The following FMNL2 variants were observed in gnomAD, a reference collection of about 807,000 sequenced individuals.
The protein encoded by FMNL2 is formin-like protein 2.
In FMNL2, 51 loss-of-function variants were observed where a neutral mutation model predicts 130.2. The ratio of observed to expected loss-of-function variants is 0.39; its 90% CI spans 0.31 to 0.49. The LOEUF (loss-of-function observed/expected upper bound fraction) is 0.49. FMNL2 is among the 20% of genes least tolerant of loss of function. The pLI is 0.85. For synonymous variants in FMNL2, 465 were observed against 467.1 expected (o/e 1.00, Z 0.06); for missense variants, 977 against 1,316.2 (o/e 0.74, Z 3.99).
At chr2:152,615,284 G>A (rs1243658095) in intron 12 of FMNL2, among the ~76,000 whole-genome samples, 1 of 152,036 alleles carries the variant, frequency 6.6e-6, no homozygotes, top group African/African-American at 2.4e-5. Context: ...GCAGAGTGGG[G>A]GTGTTTGATG....
rs188917433 is a variant in FMNL2, at chr2:152,341,664, C to A, written c.117+5944C>A. On this transcript the variant is annotated intron_variant, in intron 1 of 25. Transcript: ENST00000288670. Reference sequence around the variant, plus strand: ...AACATAGTCGTGAGATGATGGAAATCATACCACTTGAAAACAAAATTTCCA... The same window carrying A: ...AACATAGTCGTGAGATGATGGAAATAATACCACTTGAAAACAAAATTTCCA... Among the ~76,000 whole-genome samples the A allele has an allele frequency of 1.9e-3, 288 of 152,276 alleles. 3 individuals carry two copies. The highest frequency in any genetic ancestry group is 7.4e-4 in the Non-Finnish European group (50 of 68,024).
At chr2:152,449,138 A>G (rs1375855570) in intron 1 of FMNL2, among the ~76,000 whole-genome samples, 1 of 152,180 alleles carries the variant, frequency 6.6e-6, no homozygotes, top group Non-Finnish European at 1.5e-5. Flanking sequence ...AGTTGCTAGA[A>G]AGGACTAGAT....
intron 1 of FMNL2, among the ~76,000 whole-genome samples, chr2:152,504,603 G>A (rs1271250200): frequency 3.3e-5 from 5 of 152,128 alleles, no homozygotes; most frequent in Non-Finnish European, 1.5e-5. Context: ...CTCATTGTGT[G>A]TGTGTGTTTT....
At position 152,617,180 on chromosome 2, in the gene FMNL2, G is replaced by A. The variant is rs777913298; in HGVS notation, c.1302G>A (p.Leu434=). The change falls in exon 13 of 26, where the codon CTG becomes CTA. Residue 434 remains leucine (L), a synonymous_variant. Coordinates refer to ENST00000288670, the MANE Select transcript of FMNL2 (RefSeq NM_052905.4). ...EKQLMQRNKE[L]DVVREIYKDA... Reference sequence around the variant, plus strand: ...AACTCATGCAGAGGAACAAGGAGCTGGATGTCGTTCGGGTAAGTGTAATGA... The same window carrying A: ...AACTCATGCAGAGGAACAAGGAGCTAGATGTCGTTCGGGTAAGTGTAATGA... 2 of 1,613,962 alleles carry A rather than the reference G, an allele frequency of 1.2e-6. No homozygotes were observed. The highest frequency in any genetic ancestry group is 1.1e-5 in the South Asian group (1 of 91,080).
chr2:152,369,718 G>A (rs576248439), intron 1 of FMNL2, among the ~76,000 whole-genome samples: 2 of 152,342 alleles, frequency 1.3e-5, no homozygotes, highest in South Asian at 4.1e-4. Context: ...CTGAGTTAGT[G>A]TGAAAGAATG....
rs1279395173 is a variant in FMNL2 at position 152,637,059 on chromosome 2, A to G, written c.2844+469A>G. Among the ~76,000 whole-genome samples the G allele has an allele frequency of 2.0e-5, 3 of 152,332 alleles. No individual in the cohort carries two copies. The East Asian group carries it at 5.8e-4, about 29-fold the overall frequency. On this transcript the variant is annotated intron_variant, in intron 22 of 25. Coordinates refer to ENST00000288670, the MANE Select transcript of FMNL2 (RefSeq NM_052905.4). ...AAAGTTGGGGGATGGGGACTCAGAA[A>G]GCAGATTCAGTGGAAGGGCCTCTGG...
chr2:152,380,796 G>A (rs992716177), intron 1 of FMNL2, among the ~76,000 whole-genome samples: 13 of 152,152 alleles, frequency 8.5e-5, no homozygotes, highest in Admixed American at 6.5e-4. Context: ...GTGCCTGTTG[G>A]GCTAGAGCTG....
chr2:152,644,580 C>T (rs1366969107), intron 25 of FMNL2, among the ~76,000 whole-genome samples: 2 of 152,212 alleles, frequency 1.3e-5, no homozygotes, highest in Non-Finnish European at 2.9e-5. Context: ...TTCTGAATGT[C>T]ATGCCCATGT....
intron 24 of FMNL2, among the ~76,000 whole-genome samples, chr2:152,640,313 G>T (rs1682973377): frequency 6.6e-6 from 1 of 152,226 alleles, no homozygotes; most frequent in Admixed American, 6.5e-5. Context: ...ATACAGAGAG[G>T]CCACACCAGA....
chr2:152,350,975 G>A (rs1218139145), intron 1 of FMNL2, among the ~76,000 whole-genome samples: 2 of 152,132 alleles, frequency 1.3e-5, no homozygotes, highest in South Asian at 4.1e-4. Context: ...AACCTGGGAG[G>A]CGGAGGCTGC....
At chr2:152,463,582 GT>G (rs1689365211) in intron 1 of FMNL2, among the ~76,000 whole-genome samples, 1 of 152,184 alleles carries the variant, frequency 6.6e-6, no homozygotes, top group Non-Finnish European at 1.5e-5. Context: ...TGACTTTGAA[GT>G]TCCCCTCTTA....
At chr2:152,466,500 C>CT (rs1689548982) in intron 1 of FMNL2, among the ~76,000 whole-genome samples, 2 of 152,276 alleles carry the variant, frequency 1.3e-5, no homozygotes, top group Admixed American at 6.5e-5. Context: ...TGTAGTATAT[C>CT]TAATTGTTGG....
chr2:152,596,423 C>T (rs1023604388), intron 9 of FMNL2, among the ~76,000 whole-genome samples: 1 of 152,120 alleles, frequency 6.6e-6, no homozygotes, highest in Admixed American at 6.6e-5. Flanking sequence ...AGGAATTTTA[C>T]TATTAGTTAT....
intron 1 of FMNL2, among the ~76,000 whole-genome samples, chr2:152,474,711 G>A (rs772146251): frequency 6.6e-6 from 1 of 151,694 alleles, no homozygotes; most frequent in Non-Finnish European, 1.5e-5. Context: ...ACAAAAAACA[G>A]ATGCAGTCAG....
In FMNL2 at chr2:152,397,944, C is replaced by T. The variant is rs187994407; in HGVS notation, c.117+62224C>T. Among the ~76,000 whole-genome samples the T allele has an allele frequency of 1.6e-3, 236 of 152,208 alleles. 1 individual carries two copies. The highest frequency in any genetic ancestry group is 2.4e-3 in the Non-Finnish European group (165 of 68,002). The stretch of plus-strand genomic sequence containing the variant: ...TTCAAGACCAGCCTGGCCAACATGG[C>T]AAAACCTCATCTCTACTAAAAAATA... On this transcript the variant is annotated intron_variant, in intron 1 of 25. Coordinates refer to ENST00000288670, the MANE Select transcript of FMNL2 (RefSeq NM_052905.4).
chr2:152,515,998 C>A (rs183271879), intron 1 of FMNL2, among the ~76,000 whole-genome samples: 2 of 152,258 alleles, frequency 1.3e-5, no homozygotes, highest in African/African-American at 4.8e-5. Context: ...TCTAGCTAGT[C>A]TAATTCCAGA....
chr2:152,335,416 C>CG lies in FMNL2; in HGVS notation c.-182dup. On this transcript the variant is annotated 5_prime_UTR_variant, in exon 1 of 26. The change abolishes the stop of an existing upstream ORF in the 5' untranslated region. Transcript: ENST00000288670. ...GGGCGGCGGAGAGCATGAGGGAGGC[C>CG]GGGGGGCGGCTCGGCTTGGAGCGCT... 1 of 315,310 alleles carries CG rather than the reference C, an allele frequency of 3.2e-6. No homozygotes were observed. 19.5% of individuals were successfully genotyped at this position (315,310 alleles called of 1,614,324 possible).
At chr2:152,490,674 A>C (rs7600425) in intron 1 of FMNL2, among the ~76,000 whole-genome samples, 3,555 of 148,982 alleles carry the variant, frequency 0.024, 159 homozygotes, top group African/African-American at 0.084. Flanking sequence ...CTTGGGACTC[A>C]TGGTCAGCCT....
chr2:152,637,718 C>A (rs1479231240), intron 23 of FMNL2, 44 bp downstream of exon 23: 2 of 1,547,650 alleles, frequency 1.3e-6, no homozygotes, highest in Non-Finnish European at 1.8e-6. Context: ...CAAGCAATTG[C>A]CCTCCTTGAG....
Sources: gnomAD v4.1 joint callset for allele counts (sites outside exome capture counted in the v4.1 genomes callset) on GRCh38, gnomAD v4.1.1 for gene constraint, MANE v1.5 for transcripts, NCBI Gene and HGNC (gene_info 2026-07-23, HGNC 2026-07-21) for gene names.